ZDHHC24: variants seen among roughly 807,000 people sequenced by gnomAD.
ZDHHC24 encodes the protein zDHHC palmitoyltransferase 24, also known as probable palmitoyltransferase ZDHHC24.
ZDHHC24 carries 17 observed loss-of-function variants against 23.2 expected under a neutral mutation model. The observed-to-expected ratio is 0.73, with a 90% CI of 0.50 to 1.10. The LOEUF (loss-of-function observed/expected upper bound fraction) is 1.10. Ranked by LOEUF, ZDHHC24 falls within the 50% of genes least tolerant of loss-of-function variation. The pLI is 0.00. For missense variants in ZDHHC24, 366 were observed against 393.0 expected (o/e 0.93, Z 0.58); for synonymous variants, 186 against 194.5 (o/e 0.96, Z 0.36).
chr11:66,529,688 C>G lies in ZDHHC24; in HGVS notation c.560-200G>C. On this transcript the variant is annotated intron_variant, in intron 2 of 4. Coordinates refer to the ZDHHC24 transcript ENST00000526986. ...TGGGCTCTTTCCCTCCTCCCCAGCTCCTGCAGACTCCTCCTGCAGCACCCT... is the reference window on the plus strand; with the variant it reads ...TGGGCTCTTTCCCTCCTCCCCAGCTGCTGCAGACTCCTCCTGCAGCACCCT... 4 of 1,178,220 alleles carry G rather than the reference C, an allele frequency of 3.4e-6. 1 individual carries two copies. The South Asian group carries it at 5.0e-5, about 15-fold the overall frequency. 73.0% of individuals were successfully genotyped at this position (1,178,220 alleles called of 1,614,324 possible). A position where few individuals can be genotyped will look rare whatever the true frequency, so the allele number is the denominator to read the frequency against.
At chr11:66,544,161 C>T (rs76912606) in intron 1 of ZDHHC24, among the ~76,000 whole-genome samples, 180 bp from the exon 2 acceptor site, 2,644 of 152,302 alleles carry the variant, frequency 0.017, 83 homozygotes, top group African/African-American at 0.061. Flanking sequence ...CTAGTTCTAG[C>T]ACTACAGGTC....
downstream of ZDHHC24, chr11:66,532,186 T>C (rs991614173): frequency 3.7e-6 from 3 of 819,658 alleles, no homozygotes; most frequent in Non-Finnish European, 5.7e-6. Flanking sequence ...CCACCCCCAC[T>C]GTTGGGCCTA....
chr11:66,531,707 A>T (rs184614863), downstream of ZDHHC24: 27 of 1,613,920 alleles, frequency 1.7e-5, no homozygotes, highest in Middle Eastern at 4.9e-4. Context: ...CTTTGTGGAG[A>T]GTCTCAGTAA....
At chr11:66,527,223 G>C (rs370904008) in intron 3 of ZDHHC24, among the ~76,000 whole-genome samples, 1 of 149,946 alleles carries the variant, frequency 6.7e-6, no homozygotes, top group Non-Finnish European at 1.5e-5. Context: ...AAAAAAAAGA[G>C]AGAGAGAGAA....
downstream of ZDHHC24, chr11:66,533,209 T>G (rs1428548167): frequency 6.6e-6 from 1 of 152,178 alleles, no homozygotes; most frequent in African/African-American, 2.4e-5. Context: ...AGAGAGAAAT[T>G]GTGAACATTA....
At chr11:66,543,572 C>T (rs1292138962) in intron 2 of ZDHHC24, 132 bp downstream of exon 2, 1 of 1,209,722 alleles carries the variant, frequency 8.3e-7, no homozygotes, top group East Asian at 2.6e-5. Context: ...CCAAGCTGCC[C>T]TTACTGGCCA....
At chr11:66,530,842 G>T (rs374542119), downstream of ZDHHC24, 3 of 1,613,314 alleles carry the variant, frequency 1.9e-6, no homozygotes, top group South Asian at 3.3e-5. Flanking sequence ...ACTGTACTCC[G>T]TGCCCAAGGC....
At chr11:66,540,717 G>GAA (rs60384433) in intron 2 of ZDHHC24, among the ~76,000 whole-genome samples, 3 of 135,170 alleles carry the variant, frequency 2.2e-5, no homozygotes, top group African/African-American at 8.1e-5. Flanking sequence ...GACAGAGTGA[G>GAA]AAAAAAAAAA....
At chr11:66,526,640 C>T in intron 4 of ZDHHC24, 1 of 1,614,226 alleles carries the variant, frequency 6.2e-7, no homozygotes, top group Non-Finnish European at 8.5e-7. Flanking sequence ...CCACTGTCCA[C>T]TTCCCTAGGT....
intron 4 of ZDHHC24, chr11:66,521,546 C>A: frequency 1.5e-6 from 1 of 673,620 alleles, no homozygotes; most frequent in African/African-American, 1.8e-5. Context: ...TACCTGGAGG[C>A]TTGTGAGATA....
intron 3 of ZDHHC24, chr11:66,529,122 CAT>C (rs1856648072): frequency 4.1e-6 from 4 of 974,182 alleles, no homozygotes; most frequent in Non-Finnish European, 4.8e-6. Context: ...CCACTTCACA[CAT>C]AAACGGAAGA....
rs760352511 is a variant in ZDHHC24 at position 66,543,713 on chromosome 11, A to C, written c.550T>G (p.Leu184Val). 1.3e-6 allele frequency: 2 copies of C among 1,586,976 alleles called. No homozygotes were observed. The highest frequency in any genetic ancestry group is 2.3e-5 in the South Asian group (2 of 88,212). The change falls in exon 2 of 3, where the codon TTG becomes GTG. Residue 184 changes from leucine to valine, a missense_variant. Transcript: ENST00000310442. ...AALLLLPWLM[L>V]LTGRVSLAQF... ...CTCCCAGGCTCCCCACCTGTGAGCAACATGAGCCAGGGAAGCAGGAGGAGG... is the reference window on the plus strand; with the variant it reads ...CTCCCAGGCTCCCCACCTGTGAGCACCATGAGCCAGGGAAGCAGGAGGAGG...
In ZDHHC24 at chr11:66,523,793, C is replaced by T. The variant is rs767395683; in HGVS notation, c.*22-2327G>A. The T allele has an allele frequency of 2.5e-5, 40 of 1,613,392 alleles. No homozygotes were observed. In the Admixed American group the frequency reaches 5.0e-4, roughly 20 times the overall value. ...CATGAACCTCCTGGAGCAGCATTCCCGGGGCCTGCAGGCCGTCATGGCTGG... is the reference window on the plus strand; with the variant it reads ...CATGAACCTCCTGGAGCAGCATTCCTGGGGCCTGCAGGCCGTCATGGCTGG... On this transcript the variant is annotated intron_variant, in intron 4 of 4. Coordinates refer to the ZDHHC24 transcript ENST00000526986.
Position 66,537,961 on chromosome 11 carries a change from A to G in ZDHHC24, c.*1568T>C, listed in dbSNP as rs1857026775. 1 of 151,370 alleles carries G rather than the reference A, an allele frequency of 6.6e-6. No individual in the cohort carries two copies. Among genetic ancestry groups the G allele is most frequent in the Admixed American group, 6.6e-5 (1 of 15,174 alleles). 9.4% of individuals were successfully genotyped at this position (151,370 alleles called of 1,614,324 possible). On this transcript the variant is annotated 3_prime_UTR_variant, in exon 3 of 3. Coordinates refer to ENST00000310442, the MANE Select transcript of ZDHHC24 (RefSeq NM_207340.3). ...AAAATAAAATAAAATAAAATAAAAT[A>G]ATAAAAAATTGTCAGCCAGGCACGG...
chr11:66,531,781 A>G, downstream of ZDHHC24: 1 of 1,612,310 alleles, frequency 6.2e-7, no homozygotes, highest in Non-Finnish European at 8.5e-7. Context: ...GGTGAGCAGG[A>G]CCCTGGGGAG....
intron 3 of ZDHHC24, chr11:66,527,681 A>T (rs933381168): frequency 6.6e-6 from 1 of 152,342 alleles, no homozygotes; most frequent in Non-Finnish European, 1.5e-5. Flanking sequence ...AAAAAAAAAA[A>T]AAAAAAAAAA....
At position 66,523,805 on chromosome 11, in the gene ZDHHC24, G is replaced by T. The variant is rs755994026; in HGVS notation, c.*22-2339C>A. 45 of 1,613,584 alleles carry T rather than the reference G, an allele frequency of 2.8e-5. No individual in the cohort carries two copies. Among genetic ancestry groups the T allele is most frequent in the Non-Finnish European group, 3.6e-5 (42 of 1,180,044 alleles). On this transcript the variant is annotated intron_variant, in intron 4 of 4. Transcript: ENST00000526986. ...GGAGCAGCATTCCCGGGGCCTGCAG[G>T]CCGTCATGGCTGGGCTGGCCAATGG...
Position 66,545,632 on chromosome 11 carries a change from T to C in ZDHHC24, c.281+91A>G. On this transcript the variant is annotated intron_variant, in intron 1 of 2. Transcript: ENST00000310442. This position sits in a 1 kb window ranked among gnomAD's most constrained non-coding sequence, Gnocchi z 4.5. Reference sequence around the variant, plus strand: ...CTGATTCTAACAACCTGGATCCTAATGTAACCCGGTTCTAACATCTCAGGT... The same window carrying C: ...CTGATTCTAACAACCTGGATCCTAACGTAACCCGGTTCTAACATCTCAGGT... 2 of 1,341,868 alleles carry C rather than the reference T, an allele frequency of 1.5e-6. No individual in the cohort carries two copies. Among genetic ancestry groups the C allele is most frequent in the Non-Finnish European group, 1.9e-6 (2 of 1,027,108 alleles). The allele number at this position is 1,341,868 out of a possible 1,614,324, so 83.1% of individuals were successfully genotyped here. A position where few individuals can be genotyped will look rare whatever the true frequency, so the allele number is the denominator to read the frequency against.
chr11:66,539,538 T>C lies in ZDHHC24; in HGVS notation c.846A>G (p.Thr282=). ...CTGGCTCTTCCTGGAGTCAGGAGGC[T>C]GTGTGTCCCACATCTGCTGTGGTCT... is the stretch of plus-strand genomic sequence containing the variant. ...TFQTTADVGH[T]AS The change falls in exon 3 of 3, where the codon ACA becomes ACG. Residue 282 remains threonine (T), a synonymous_variant. Coordinates refer to ENST00000310442, the MANE Select transcript of ZDHHC24 (RefSeq NM_207340.3). The C allele has an allele frequency of 1.9e-6, 3 of 1,567,118 alleles. No homozygotes were observed. The highest frequency in any genetic ancestry group is 2.6e-6 in the Non-Finnish European group (3 of 1,155,946).
Sources: allele counts gnomAD v4.1 joint callset (sites outside exome capture counted in the v4.1 genomes callset), GRCh38; gene constraint gnomAD v4.1.1; non-coding constraint Gnocchi (gnomAD v3.1); transcripts MANE v1.5; gene names NCBI Gene and HGNC (gene_info 2026-07-23, HGNC 2026-07-21).